Variants in DNAH9 observed in about 807,000 individuals in gnomAD.
DNAH9 encodes the protein dynein axonemal heavy chain 9, also known as DNAH9 variant protein.
Under a neutral mutation model 471.6 loss-of-function variants are expected in DNAH9, and 345 were observed. That is an observed-to-expected ratio of 0.73 (90% CI 0.67 to 0.80). DNAH9 has a LOEUF of 0.80. Among genes scored for constraint, DNAH9 ranks in the 30% least tolerant of loss-of-function variants. The probability of loss-of-function intolerance (pLI) is 0.00; values close to 1 mark genes in which losing one functional copy is unlikely to be tolerated. For missense variants in DNAH9, 5,407 were observed against 5,609.2 expected (o/e 0.96, Z 1.15); for synonymous variants, 2,093 against 2,123.6 (o/e 0.99, Z 0.40).
chr17:11,904,151 AAC>A (rs1475770124), intron 60 of DNAH9, among the ~76,000 whole-genome samples: 2 of 152,142 alleles, frequency 1.3e-5, no homozygotes, highest in African/African-American at 4.8e-5. Flanking sequence ...GGGGGAGAAA[AAC>A]AGAGATCTCT....
chr17:11,824,859 G>A (rs1264110744), intron 48 of DNAH9, among the ~76,000 whole-genome samples: 1 of 149,858 alleles, frequency 6.7e-6, no homozygotes, highest in African/African-American at 2.5e-5. Flanking sequence ...ATCGTTTTCA[G>A]TACTGTCTTC....
Position 11,869,213 on chromosome 17 carries a change from C to T in DNAH9, c.10013C>T (p.Ala3338Val). 1 of 1,613,798 alleles carries T rather than the reference C, an allele frequency of 6.2e-7. No individual in the cohort carries two copies. The highest frequency in any genetic ancestry group is 8.5e-7 in the Non-Finnish European group (1 of 1,179,834). The stretch of plus-strand genomic sequence containing the variant: ...GACAAACTCAAATGTCAGCAAGAAG[C>T]CGAAGTGACCGCAGTCACCATCTCC... ...TADKLKCQQE[A>V]EVTAVTISLA... The change falls in exon 51 of 69, where the codon GCC becomes GTC. Residue 3338 changes from alanine (A) to valine (V), a missense_variant. By Grantham distance (64) the Ala-to-Val change is moderately conservative. Transcript: ENST00000262442.
intron 17 of DNAH9, 82 bp from the exon 18 acceptor site, chr17:11,679,675 A>G: frequency 3.1e-6 from 3 of 981,290 alleles, no homozygotes; most frequent in Non-Finnish European, 3.3e-6. Flanking sequence ...AATGATAGAT[A>G]TTTTTGTTGG....
chr17:11,795,633 C>A (rs1046493798), intron 42 of DNAH9, among the ~76,000 whole-genome samples: 6 of 152,210 alleles, frequency 3.9e-5, no homozygotes, highest in African/African-American at 1.4e-4. Flanking sequence ...ATGTTTGAGA[C>A]CCTCATGTTA....
At chr17:11,645,939 G>A (rs2150693259) in intron 11 of DNAH9, among the ~76,000 whole-genome samples, 1 of 147,822 alleles carries the variant, frequency 6.8e-6, no homozygotes, top group Non-Finnish European at 1.5e-5. Flanking sequence ...GAGTGCAGTG[G>A]CACAATCTCG....
At chr17:11,656,944 A>T (rs1195045993) in intron 14 of DNAH9, among the ~76,000 whole-genome samples, 3 of 148,138 alleles carry the variant, frequency 2.0e-5, no homozygotes, top group African/African-American at 7.4e-5. Context: ...TATTGCTAGA[A>T]TTCCATTGTA....
intron 57 of DNAH9, among the ~76,000 whole-genome samples, chr17:11,889,525 G>C (rs919642512): frequency 6.6e-6 from 1 of 152,188 alleles, no homozygotes; most frequent in Non-Finnish European, 1.5e-5. Flanking sequence ...TGTTGCCACA[G>C]TCCTTATGCC....
intron 17 of DNAH9, among the ~76,000 whole-genome samples, chr17:11,671,405 GA>G (rs1288472682): frequency 2.0e-5 from 3 of 149,388 alleles, no homozygotes; most frequent in Middle Eastern, 3.2e-3. Context: ...TCAGGAAGCA[GA>G]GGGGGGGCAG....
intron 44 of DNAH9, among the ~76,000 whole-genome samples, chr17:11,809,054 A>C (rs1969793053): frequency 6.6e-6 from 1 of 152,206 alleles, no homozygotes; most frequent in Non-Finnish European, 1.5e-5. Context: ...AGGCAACATC[A>C]AGAACTGATG....
intron 68 of DNAH9, among the ~76,000 whole-genome samples, chr17:11,966,145 C>CA (rs1385806103): frequency 3.3e-5 from 5 of 152,228 alleles, no homozygotes; most frequent in Non-Finnish European, 7.3e-5. Context: ...AGAACAAACT[C>CA]AGAGATCCAT....
chr17:11,956,732 T>TAAAATA (rs138084381), intron 67 of DNAH9, among the ~76,000 whole-genome samples: 1 of 151,532 alleles, frequency 6.6e-6, no homozygotes, highest in Non-Finnish European at 1.5e-5. Flanking sequence ...CTATATTGAA[T>TAAAATA]AAAATAAAAA....
At chr17:11,749,086 G>GTTTTTTTTTTTTT (rs1357238487) in intron 32 of DNAH9, among the ~76,000 whole-genome samples, 3 of 20,522 alleles carry the variant, frequency 1.5e-4, no homozygotes, top group African/African-American at 4.3e-4. Context: ...TTTTTTTTTT[G>GTTTTTTTTTTTTT]TTTTTTTTTT....
rs186110402 is a variant in DNAH9, at chr17:11,669,315, C to T, written c.2928+55C>T. ...AACTGTGTCCCGTCCAGCCGAATCT[C>T]GAACTTCCTGCCACACACTGGTGTA... is the stretch of plus-strand genomic sequence containing the variant. On this transcript the variant is annotated intron_variant, in intron 16 of 68. Transcript: ENST00000262442. 1.5e-3 allele frequency: 2,356 copies of T among 1,594,458 alleles called. 5 individuals are homozygous for T. Among genetic ancestry groups the T allele is most frequent in the Non-Finnish European group, 1.8e-3 (2,069 of 1,168,502 alleles).
chr17:11,962,317 C>T lies in DNAH9; in HGVS notation c.13233+61C>T. The T allele has an allele frequency of 1.3e-6, 2 of 1,511,782 alleles. No homozygotes were observed. Among genetic ancestry groups the T allele is most frequent in the Non-Finnish European group, 1.8e-6 (2 of 1,136,618 alleles). 93.6% of individuals were successfully genotyped at this position (1,511,782 alleles called of 1,614,324 possible). On this transcript the variant is annotated intron_variant, in intron 68 of 68. Transcript: ENST00000262442. This position sits in a 1 kb window ranked among gnomAD's most constrained non-coding sequence, Gnocchi z 4.1. ...GGGGCTGATTAAATACACATTGCTT[C>T]CTATGAAGTGTGACTACTAAAAGAG...
rs373262690 is a variant in DNAH9 at position 11,756,681 on chromosome 17, G to A, written c.6847+5G>A. On this transcript the variant is annotated splice_donor_5th_base_variant and intron_variant, in intron 34 of 68. Transcript: ENST00000262442. The stretch of plus-strand genomic sequence containing the variant: ...CAGCAACTGTCTCTAGAGCAGGTAC[G>A]GCCCAAGAAGGGAAGAACCACAAAG... 5.2e-5 allele frequency: 82 copies of A among 1,570,316 alleles called. No homozygotes were observed. Among genetic ancestry groups the A allele is most frequent in the Non-Finnish European group, 6.2e-5 (71 of 1,140,192 alleles).
At chr17:11,957,274 C>T (rs1975694273) in intron 67 of DNAH9, among the ~76,000 whole-genome samples, 1 of 152,008 alleles carries the variant, frequency 6.6e-6, no homozygotes, top group African/African-American at 2.4e-5. Flanking sequence ...AAATTTCCCA[C>T]AAAGAAAACC....
rs1430876018 is a variant in DNAH9 at position 11,752,932 on chromosome 17, C to T, written c.6710C>T (p.Ser2237Phe). The stretch of plus-strand genomic sequence containing the variant: ...GACATAGATCCAATGTGGATTGAAT[C>T]CCTGAATACTGTCATGGATGATAAC... ...DGDIDPMWIE[S>F]LNTVMDDNKV... Residue 2237 changes from serine (S) to phenylalanine (F), a missense_variant, in exon 33 of 69, where the codon TCC becomes TTC. Coordinates refer to ENST00000262442, the MANE Select transcript of DNAH9 (RefSeq NM_001372.4). 6.2e-7 allele frequency: 1 copy of T among 1,603,440 alleles called. No homozygotes were observed. The highest frequency in any genetic ancestry group is 8.5e-7 in the Non-Finnish European group (1 of 1,174,366).
At chr17:11,847,433 G>C (rs1971264704) in intron 49 of DNAH9, among the ~76,000 whole-genome samples, 1 of 152,112 alleles carries the variant, frequency 6.6e-6, no homozygotes, top group Non-Finnish European at 1.5e-5. Context: ...ATAATGGTTA[G>C]CCAGTTATCT....
chr17:11,699,731 G>C lies in DNAH9; in HGVS notation c.4873G>C (p.Val1625Leu), dbSNP rs554599082. Residue 1625 changes from valine (V) to leucine (L), a missense_variant and splice_region_variant, in exon 23 of 69, where the codon GTT (valine) becomes CTT (leucine). Physicochemically the swap from Val to Leu is conservative, Grantham distance 32 (BLOSUM62 1). Around this residue, in one of 3 missense-constraint regions of DNAH9, gnomAD observed 4,636 missense variants for 4,900.3 expected, o/e 0.95. Coordinates refer to ENST00000262442, the MANE Select transcript of DNAH9 (RefSeq NM_001372.4). ...CCATTGGCCTGGTTTCCCTTCATAG[G>C]TTCAACGTCACCTTTCCAAACTCTT... The part of the protein sequence containing the change: ...ILSNGTAPQQ[V>L]QRHLSKLFDN... 1.9e-6 allele frequency: 3 copies of C among 1,614,066 alleles called. No homozygotes were observed. The South Asian group carries it at 3.3e-5, about 18-fold the overall frequency.
Sources: allele counts gnomAD v4.1 joint callset (sites outside exome capture counted in the v4.1 genomes callset), GRCh38; gene constraint gnomAD v4.1.1; regional missense constraint gnomAD v4.1.1; non-coding constraint Gnocchi (gnomAD v3.1); transcripts MANE v1.5; gene names NCBI Gene and HGNC (gene_info 2026-07-23, HGNC 2026-07-21).